The following ERICH1 variants were observed in gnomAD, a reference collection of about 807,000 sequenced individuals.
ERICH1 encodes glutamate-rich protein 1.
ERICH1 carries 56 observed loss-of-function variants against 39.6 expected under a neutral mutation model. The ratio of observed to expected loss-of-function variants is 1.41; its 90% confidence interval spans 1.14 to 1.77. ERICH1 has a LOEUF of 1.77. Ranked by LOEUF, ERICH1 falls within the 40% of genes most tolerant of loss-of-function variation. The pLI is 0.00. For synonymous variants in ERICH1, 313 were observed against 223.6 expected (o/e 1.40, Z -3.57); for missense variants, 826 against 575.4 (o/e 1.44, Z -4.45).
At chr8:692,227 G>T (rs1344790004) in intron 3 of ERICH1, among the ~76,000 whole-genome samples, 1 of 152,066 alleles carries the variant, frequency 6.6e-6, no homozygotes, top group Non-Finnish European at 1.5e-5. Context: ...ACAAACATGG[G>T]CTATAGTCAT....
chr8:668,276 A>G (rs1177661178), intron 5 of ERICH1: 2 of 365,072 alleles, frequency 5.5e-6, no homozygotes, highest in African/African-American at 4.2e-5. Context: ...ACCATCTACC[A>G]CAGCAGTAGA....
chr8:687,034 G>A (rs771276266), intron 3 of ERICH1, among the ~76,000 whole-genome samples: 3 of 152,236 alleles, frequency 2.0e-5, no homozygotes, highest in Non-Finnish European at 4.4e-5. Context: ...GCAAAAGGCA[G>A]AGAGAGCCAC....
Position 647,110 on chromosome 8 carries a change from C to A in ERICH1, c.976+21488G>T, listed in dbSNP as rs1169426686. Among the ~76,000 whole-genome samples, 2 of 68,418 alleles carry A rather than the reference C, an allele frequency of 2.9e-5. 1 individual carries two copies. Among genetic ancestry groups the A allele is most frequent in the Admixed American group, 2.5e-4 (2 of 8,122 alleles). 44.9% of individuals were successfully genotyped at this position (68,418 alleles called of 152,430 possible). On this transcript the variant is annotated intron_variant, in intron 3 of 3. Transcript: ENST00000522706. ...GCCTGTCCACGCAGGTGGCGGGAGTCATGCTCAGGCCCTTGGCGCGCCCTT... is the reference window on the plus strand; with the variant it reads ...GCCTGTCCACGCAGGTGGCGGGAGTAATGCTCAGGCCCTTGGCGCGCCCTT...
At chr8:730,569 G>C (rs1324695623) in intron 1 of ERICH1, among the ~76,000 whole-genome samples, 2 of 152,216 alleles carry the variant, frequency 1.3e-5, no homozygotes, top group African/African-American at 4.8e-5. Context: ...CTAAGGCACG[G>C]CCAGGTTAAC....
chr8:704,941 A>G (rs1241477863), intron 2 of ERICH1, among the ~76,000 whole-genome samples: 1 of 152,228 alleles, frequency 6.6e-6, no homozygotes. Context: ...AAATATATGC[A>G]ACACATAACT....
intron 3 of ERICH1, among the ~76,000 whole-genome samples, chr8:636,104 T>A (rs574816894): frequency 2.1e-4 from 32 of 152,324 alleles, no homozygotes; most frequent in African/African-American, 6.7e-4. Flanking sequence ...GCATTCTCTG[T>A]GGAAAACACT....
At chr8:726,708 ACACACACAGG>A (rs1211597414) in intron 1 of ERICH1, among the ~76,000 whole-genome samples, 6 of 151,868 alleles carry the variant, frequency 4.0e-5, no homozygotes, top group East Asian at 1.9e-4. Context: ...ACACACATGT[ACACACACAGG>A]CACACACAGG....
At chr8:715,245 G>C (rs1421368421) in intron 2 of ERICH1, among the ~76,000 whole-genome samples, 1 of 152,052 alleles carries the variant, frequency 6.6e-6, no homozygotes, top group East Asian at 1.9e-4. Flanking sequence ...CCGCAGACAG[G>C]TGGTCTATTC....
intron 4 of ERICH1, among the ~76,000 whole-genome samples, chr8:670,925 AG>A (rs2131835539): frequency 6.9e-6 from 1 of 144,222 alleles, no homozygotes; most frequent in Admixed American, 6.9e-5. Context: ...CCAACCTCTG[AG>A]CCCACCGGTC....
At chr8:701,338 C>T (rs1194511967) in intron 2 of ERICH1, among the ~76,000 whole-genome samples, 7 of 152,156 alleles carry the variant, frequency 4.6e-5, no homozygotes, top group African/African-American at 1.4e-4. Flanking sequence ...GACGGGAGCA[C>T]GCCGTACCCA....
chr8:658,217 G>A (rs1408033630), intron 3 of ERICH1, among the ~76,000 whole-genome samples: 3 of 152,184 alleles, frequency 2.0e-5, no homozygotes, highest in African/African-American at 7.2e-5. Flanking sequence ...GAACAGGAGG[G>A]CCCAGCCTGG....
intron 3 of ERICH1, among the ~76,000 whole-genome samples, chr8:686,895 G>C (rs1388875578): frequency 6.6e-6 from 1 of 152,246 alleles, no homozygotes; most frequent in African/African-American, 2.4e-5. Context: ...AACACTGCTA[G>C]CTCTGACTCT....
At chr8:691,916 GGTAAAAAGTATAT>G (rs1808989313) in intron 3 of ERICH1, among the ~76,000 whole-genome samples, 1 of 152,102 alleles carries the variant, frequency 6.6e-6, no homozygotes, top group Admixed American at 6.6e-5. Context: ...TCCCTTTTAA[GGTAAAAAGTATAT>G]GGGCAACTTC....
At chr8:635,326 A>T (rs1798340980) in intron 3 of ERICH1, among the ~76,000 whole-genome samples, 1 of 152,188 alleles carries the variant, frequency 6.6e-6, no homozygotes, top group Non-Finnish European at 1.5e-5. Flanking sequence ...ACACGGGTTT[A>T]TCCGGGTATA....
At chr8:688,371 C>T (rs1361787816) in intron 3 of ERICH1, among the ~76,000 whole-genome samples, 1 of 150,848 alleles carries the variant, frequency 6.6e-6, no homozygotes, top group African/African-American at 2.5e-5. Context: ...GGCCCCGCCC[C>T]CCGGTCCCTC....
intron 3 of ERICH1, among the ~76,000 whole-genome samples, chr8:687,020 A>G (rs999299610): frequency 1.3e-5 from 2 of 152,250 alleles, no homozygotes; most frequent in Non-Finnish European, 2.9e-5. Context: ...CTCCTTCAGG[A>G]AAGGCAAAAG....
chr8:699,322 A>G (rs925906951), intron 2 of ERICH1, among the ~76,000 whole-genome samples: 1 of 152,142 alleles, frequency 6.6e-6, no homozygotes, highest in Non-Finnish European at 1.5e-5. Flanking sequence ...GCTGGACAGA[A>G]GAGTGGACGC....
chr8:728,987 T>C (rs939038335), intron 1 of ERICH1, among the ~76,000 whole-genome samples: 1 of 152,154 alleles, frequency 6.6e-6, no homozygotes, highest in South Asian at 2.1e-4. Flanking sequence ...TCATGTTTCT[T>C]GGTCTGTGCC....
chr8:662,634 G>C (rs1451659815), downstream of ERICH1, among the ~76,000 whole-genome samples: 2 of 152,160 alleles, frequency 1.3e-5, no homozygotes, highest in African/African-American at 4.8e-5. Flanking sequence ...GGCAACAAAA[G>C]CGAGACTCCA....
Sources: allele counts gnomAD v4.1 joint callset (sites outside exome capture counted in the v4.1 genomes callset), GRCh38; gene constraint gnomAD v4.1.1; transcripts MANE v1.5; gene names NCBI Gene and HGNC (gene_info 2026-07-23, HGNC 2026-07-21).